Variants in MSS51 observed in about 807,000 individuals in gnomAD.
MSS51 encodes putative protein MSS51 homolog, mitochondrial.
In MSS51, 32 loss-of-function variants were observed where a neutral mutation model predicts 40.2. That is an observed-to-expected ratio of 0.80 (90% confidence interval 0.60 to 1.07). The LOEUF (loss-of-function observed/expected upper bound fraction) is 1.07, where lower values mean the gene tolerates loss of function less well. Ranked by LOEUF, MSS51 falls within the 50% of genes least tolerant of loss-of-function variation. The probability of loss-of-function intolerance (pLI) is 0.00; values close to 1 mark genes in which losing one functional copy is unlikely to be tolerated. For missense variants in MSS51, 518 were observed against 568.9 expected, an observed-to-expected ratio of 0.91 and a Z score of 0.91; for synonymous variants, 178 against 214.2, an observed-to-expected ratio of 0.83 and a Z score of 1.48.
chr10:73,425,445 C>T (rs1044764032), intron 5 of MSS51, among the ~76,000 whole-genome samples: 8 of 151,842 alleles, frequency 5.3e-5, no homozygotes, highest in African/African-American at 1.5e-4. Flanking sequence ...GAGGCAGAGG[C>T]GGGCGGATCA....
chr10:73,430,381 T>C (rs1258811089), intron 1 of MSS51, among the ~76,000 whole-genome samples: 2 of 151,986 alleles, frequency 1.3e-5, no homozygotes, highest in East Asian at 1.9e-4. Flanking sequence ...GGGTTAGTAT[T>C]CAAAATATAT....
At position 73,424,582 on chromosome 10, in the gene MSS51, A is replaced by G. The variant is rs1325013887; in HGVS notation, c.1354T>C (p.Leu452=). ...GSSCQLDNRQ[L]EEKVDGGI ...ATCCCGCCGTCCACTTTCTCTTCTAATTGCCTATTATCCAGCTGACAGGAG... is the reference window on the plus strand; with the variant it reads ...ATCCCGCCGTCCACTTTCTCTTCTAGTTGCCTATTATCCAGCTGACAGGAG... The change falls in exon 7 of 7, where the codon TTA becomes CTA. Residue 452 remains leucine (L), a synonymous_variant. Transcript: ENST00000299432. 1 of 1,613,894 alleles carries G rather than the reference A, an allele frequency of 6.2e-7. No individual in the cohort carries two copies. The highest frequency in any genetic ancestry group is 1.3e-5 in the African/African-American group (1 of 74,896).
chr10:73,425,455 A>G (rs2055975626), intron 5 of MSS51, among the ~76,000 whole-genome samples: 1 of 151,918 alleles, frequency 6.6e-6, no homozygotes, highest in African/African-American at 2.4e-5. Flanking sequence ...CGGGCGGATC[A>G]TAAGGTCAGG....
At chr10:73,427,922 G>T in intron 2 of MSS51, 142 bp downstream of exon 2, 1 of 1,188,904 alleles carries the variant, frequency 8.4e-7, no homozygotes, top group Non-Finnish European at 1.2e-6. Flanking sequence ...TTCTTTTATA[G>T]TAATATAGTA....
chr10:73,425,462 C>G (rs1014671359), intron 5 of MSS51, among the ~76,000 whole-genome samples: 23 of 151,736 alleles, frequency 1.5e-4, no homozygotes, highest in Non-Finnish European at 2.9e-4. Context: ...ATCATAAGGT[C>G]AGGAGATCGA....
intron 3 of MSS51, among the ~76,000 whole-genome samples, chr10:73,426,991 ACAC>A (rs1300257134): frequency 5.9e-5 from 9 of 152,242 alleles, no homozygotes; most frequent in Middle Eastern, 3.4e-3. Flanking sequence ...TTTAGAAAAA[ACAC>A]CACGAGTTTG....
chr10:73,433,376 G>C (rs1018225939), intron 1 of MSS51, 137 bp downstream of exon 1: 1 of 152,152 alleles, frequency 6.6e-6, no homozygotes, highest in Non-Finnish European at 1.5e-5. Context: ...GAAAAGAGAA[G>C]GAGAAATACA....
intron 1 of MSS51, among the ~76,000 whole-genome samples, chr10:73,430,083 T>C (rs1255407886): frequency 6.6e-6 from 1 of 152,142 alleles, no homozygotes; most frequent in East Asian, 1.9e-4. Flanking sequence ...AGAAACATTC[T>C]GCAAATTAAT....
At position 73,427,762 on chromosome 10, in the gene MSS51, C is replaced by CT; in HGVS notation, c.227_228insA (p.Val77GlyfsTer33). The CT allele has an allele frequency of 1.2e-6, 2 of 1,613,868 alleles. No homozygotes were observed. Among genetic ancestry groups the CT allele is most frequent in the Non-Finnish European group, 1.7e-6 (2 of 1,179,890 alleles). On this transcript the variant is annotated frameshift_variant, in exon 3 of 7. Coordinates refer to ENST00000299432, the MANE Select transcript of MSS51 (RefSeq NM_001024593.2). LOFTEE classifies it high-confidence loss of function. ...CTGATACGGGGGTACCCCCATCTACCACCAACCTGCAGAGACAGCATGGAG... is the reference window on the plus strand; with the variant it reads ...CTGATACGGGGGTACCCCCATCTACCTACCAACCTGCAGAGACAGCATGGAG...
In MSS51 at chr10:73,427,626, G is replaced by A. The variant is rs748982742; in HGVS notation, c.364C>T (p.Arg122Trp). ...PSGLSDSKVL[R>W]HCKRCRNVYY... ...CCAACAAGTCACCTCTTACAGTGCCGGAGAACCTTGGAGTCTGAAAGCCCA... is the reference window on the plus strand; with the variant it reads ...CCAACAAGTCACCTCTTACAGTGCCAGAGAACCTTGGAGTCTGAAAGCCCA... Residue 122 changes from arginine (R) to tryptophan (W), a missense_variant, in exon 3 of 7, where the codon CGG becomes TGG. Transcript: ENST00000299432. The A allele has an allele frequency of 3.5e-5, 57 of 1,611,220 alleles. No homozygotes were observed. Among genetic ancestry groups the A allele is most frequent in the Admixed American group, 5.0e-5 (3 of 59,826 alleles).
rs1246873228 is a variant in MSS51, at chr10:73,424,624, T to C, written c.1312A>G (p.Ile438Val). The C allele has an allele frequency of 1.8e-5, 29 of 1,614,036 alleles. No individual in the cohort carries two copies. The highest frequency in any genetic ancestry group is 2.3e-5 in the Non-Finnish European group (27 of 1,180,034). ...TGACAGGAGCTTCCAAGAAACATGA[T>C]ATAGTATGCACTGCAGTATACTGGC... The part of the protein sequence containing the change: ...KQPVYCSAYY[I>V]MFLGSSCQLD... Residue 438 changes from isoleucine (I) to valine (V), a missense_variant, in exon 7 of 7, where the codon ATC (isoleucine) becomes GTC (valine). Physicochemically the swap from Ile to Val is conservative, Grantham distance 29. Transcript: ENST00000299432.
chr10:73,425,250 G>C (rs1416324532), intron 5 of MSS51, 59 bp from the exon 6 acceptor site: 1 of 1,165,746 alleles, frequency 8.6e-7, no homozygotes, highest in Non-Finnish European at 1.2e-6. Flanking sequence ...CTAAGAGCAA[G>C]ATATTTCTTT....
At position 73,430,011 on chromosome 10, in the gene MSS51, T is replaced by C. The variant is rs368907637; in HGVS notation, c.-17-1710A>G. Among the ~76,000 whole-genome samples the C allele has an allele frequency of 2.4e-4, 36 of 152,168 alleles. No homozygotes were observed. The South Asian group carries it at 7.1e-3, about 30-fold the overall frequency. On this transcript the variant is annotated intron_variant, in intron 1 of 6. Coordinates refer to ENST00000299432, the MANE Select transcript of MSS51 (RefSeq NM_001024593.2). Reference sequence around the variant, plus strand: ...TGAAAGATGGGAATACTTTGAATACTTGGAAATAGGGAAAAAATAAATTCT... The same window carrying C: ...TGAAAGATGGGAATACTTTGAATACCTGGAAATAGGGAAAAAATAAATTCT...
Position 73,425,117 on chromosome 10 carries a change from T to C in MSS51, c.1144A>G (p.Thr382Ala). 1 of 1,612,740 alleles carries C rather than the reference T, an allele frequency of 6.2e-7. No homozygotes were observed. The highest frequency in any genetic ancestry group is 8.5e-7 in the Non-Finnish European group (1 of 1,179,312). The change falls in exon 6 of 7, where the codon ACA becomes GCA. Residue 382 changes from threonine to alanine, a missense_variant. Transcript: ENST00000299432. ...LLLLRDYKIP[T>A]LITVYSHQEL... ...CAAAACCTGTAAACAGTAATCAATG[T>C]AGGAATCTTATAGTCACGAAGTAGC...
Position 73,426,313 on chromosome 10 carries a change from G to A in MSS51, c.567C>T (p.Ser189=). ...WPPEAVQDWD[S]WFSMKGLHLD... Reference sequence around the variant, plus strand: ...GGTGTAACCCCTTCATAGAAAACCAGGAGTCCCAGTCCTGTACAGCTTCAG... The same window carrying A: ...GGTGTAACCCCTTCATAGAAAACCAAGAGTCCCAGTCCTGTACAGCTTCAG... Residue 189 remains serine (S), a synonymous_variant, in exon 5 of 7, where the codon TCC becomes TCT. Transcript: ENST00000299432. The A allele has an allele frequency of 1.2e-6, 2 of 1,605,696 alleles. No homozygotes were observed. The highest frequency in any genetic ancestry group is 1.7e-6 in the Non-Finnish European group (2 of 1,179,816).
At chr10:73,428,988 T>C (rs916960030) in intron 1 of MSS51, among the ~76,000 whole-genome samples, 19 of 151,254 alleles carry the variant, frequency 1.3e-4, no homozygotes, top group Admixed American at 1.3e-3. Flanking sequence ...GCGGATCACC[T>C]GAGGTCAGGA....
At position 73,425,175 on chromosome 10, in the gene MSS51, T is replaced by G. The variant is rs1589674007; in HGVS notation, c.1086A>C (p.Pro362=). Residue 362 remains proline (P), a synonymous_variant, in exon 6 of 7, where the codon CCA becomes CCC. Transcript: ENST00000299432. ...TGGGCAGCCAAGCCTCCATCAAGTC[T>G]GGGGAGGAATGAAAACCTGTGGAAC... ...AAFHPGFHSS[P]DLMEAWLPTL... 1.9e-6 allele frequency: 3 copies of G among 1,595,492 alleles called. No homozygotes were observed. The highest frequency in any genetic ancestry group is 2.6e-6 in the Non-Finnish European group (3 of 1,173,696).
At chr10:73,428,863 A>G (rs1439549894) in intron 1 of MSS51, among the ~76,000 whole-genome samples, 1 of 151,682 alleles carries the variant, frequency 6.6e-6, no homozygotes, top group African/African-American at 2.4e-5. Context: ...ACACACACAT[A>G]TATATATATA....
chr10:73,426,656 C>G lies in MSS51; in HGVS notation c.453G>C (p.Glu151Asp). ...GACGGTCCACAGCCACAAGACGAAG[C>G]TCTTGACAAACCCTCCTGTGTGCGG... ...DWPAHRRVCQ[E>D]LRLVAVDRLM... Residue 151 changes from glutamate to aspartate, a missense_variant, in exon 4 of 7, where the codon GAG (glutamate) becomes GAC (aspartate). Physicochemically the swap from Glu to Asp is conservative, Grantham distance 45. Coordinates refer to ENST00000299432, the MANE Select transcript of MSS51 (RefSeq NM_001024593.2). The G allele has an allele frequency of 6.2e-7, 1 of 1,614,226 alleles. No individual in the cohort carries two copies. The highest frequency in any genetic ancestry group is 8.5e-7 in the Non-Finnish European group (1 of 1,180,050).
Sources: gnomAD v4.1 joint callset for allele counts (sites outside exome capture counted in the v4.1 genomes callset) on GRCh38, gnomAD v4.1.1 for gene constraint, MANE v1.5 for transcripts, NCBI Gene and HGNC (gene_info 2026-07-23, HGNC 2026-07-21) for gene names.